The following LAMA2 variants were observed in gnomAD, a reference collection of about 807,000 sequenced individuals.
LAMA2 encodes laminin subunit alpha-2.
A neutral mutation model predicts 364.8 loss-of-function variants in LAMA2; 269 were observed. That is an observed-to-expected ratio of 0.74 (90% confidence interval 0.67 to 0.82). The LOEUF (loss-of-function observed/expected upper bound fraction) is 0.82. Ranked by LOEUF, LAMA2 falls within the 40% of genes least tolerant of loss-of-function variation. The pLI, the probability that LAMA2 is intolerant of heterozygous loss-of-function variation, is 0.00. For missense variants in LAMA2, 3,807 were observed against 3,873.2 expected (o/e 0.98, Z 0.45); for synonymous variants, 1,379 against 1,370.6 (o/e 1.01, Z -0.14).
chr6:129,335,608 G>T (rs569520570), intron 29 of LAMA2, among the ~76,000 whole-genome samples: 6 of 152,086 alleles, frequency 3.9e-5, no homozygotes, highest in Non-Finnish European at 8.8e-5. Flanking sequence ...ACTGATCATT[G>T]CTGTTGCCTG....
rs893963237 is a variant in LAMA2, at chr6:128,968,861, T to C, written c.113-81057T>C. Among the ~76,000 whole-genome samples, 8 of 152,172 alleles carry C rather than the reference T, an allele frequency of 5.3e-5. 1 individual carries two copies. The highest frequency in any genetic ancestry group is 1.2e-4 in the Non-Finnish European group (8 of 68,028). The stretch of plus-strand genomic sequence containing the variant: ...GATCACGTGGGACCTTGTGCTTCGT[T>C]TGAATTTTATTCTAAATGTTGGGAA... On this transcript the variant is annotated intron_variant, in intron 1 of 64. Coordinates refer to ENST00000421865, the MANE Select transcript of LAMA2 (RefSeq NM_000426.4).
rs1778362617 is a variant in LAMA2, at chr6:128,917,047, G to T, written c.112+33690G>T. Among the ~76,000 whole-genome samples the T allele has an allele frequency of 2.0e-5, 3 of 150,404 alleles. No individual in the cohort carries two copies. In the East Asian group the frequency reaches 5.8e-4, roughly 29 times the overall value. On this transcript the variant is annotated intron_variant, in intron 1 of 64. Coordinates refer to ENST00000421865, the MANE Select transcript of LAMA2 (RefSeq NM_000426.4). ...CCACCATATCTACCTTGATCCACCT[G>T]ATTCTTTTCATTTTTTTCTTTCATT... is the stretch of plus-strand genomic sequence containing the variant.
At chr6:129,071,762 G>GC (rs1406016961) in intron 3 of LAMA2, among the ~76,000 whole-genome samples, 2 of 151,928 alleles carry the variant, frequency 1.3e-5, no homozygotes, top group Non-Finnish European at 2.9e-5. Context: ...TTCCACTATG[G>GC]TCAGTGTATT....
intron 4 of LAMA2, among the ~76,000 whole-genome samples, chr6:129,110,644 T>C (rs181706305): frequency 1.4e-4 from 22 of 152,206 alleles, no homozygotes; most frequent in Admixed American, 7.9e-4. Context: ...AAAATTGTTA[T>C]TATTCTCATT....
intron 12 of LAMA2, among the ~76,000 whole-genome samples, chr6:129,210,024 A>AAAAAAAAAAAAT (rs200129656): frequency 1.1e-4 from 16 of 145,326 alleles, no homozygotes; most frequent in East Asian, 4.4e-4. Context: ...AAAAAAAAAA[A>AAAAAAAAAAAAT]ATTTTTACTA....
At chr6:128,955,460 A>G (rs1781081859) in intron 1 of LAMA2, among the ~76,000 whole-genome samples, 1 of 151,992 alleles carries the variant, frequency 6.6e-6, no homozygotes, top group Admixed American at 6.6e-5. Context: ...TTATACAGAG[A>G]TGAAAAGTTT....
chr6:129,277,115 G>C (rs1362275692), intron 17 of LAMA2, among the ~76,000 whole-genome samples: 1 of 152,044 alleles, frequency 6.6e-6, no homozygotes, highest in Admixed American at 6.6e-5. Context: ...GCTGCTCTTG[G>C]CTTTCTTGTG....
chr6:129,124,299 A>C (rs1384546813), intron 4 of LAMA2, among the ~76,000 whole-genome samples: 1 of 152,224 alleles, frequency 6.6e-6, no homozygotes, highest in Non-Finnish European at 1.5e-5. Flanking sequence ...TAAAGTGAAC[A>C]GCCTTGGAAG....
rs535987768 is a variant in LAMA2 at position 129,398,479 on chromosome 6, T to C, written c.5446-2745T>C. On this transcript the variant is annotated intron_variant, in intron 37 of 64. Transcript: ENST00000421865. ...TTTTCTTTCTTTTCTTTTCTTTTTTTTTTTTTTTTTTTTGAGACAGAGTTT... is the reference window on the plus strand; with the variant it reads ...TTTTCTTTCTTTTCTTTTCTTTTTTCTTTTTTTTTTTTTGAGACAGAGTTT... 2.3e-4 allele frequency among the ~76,000 whole-genome samples: 33 copies of C among 145,924 alleles called. No homozygotes were observed. In the South Asian group the frequency reaches 7.3e-3, roughly 32 times the overall value.
At chr6:129,411,924 A>T (rs1376375077) in intron 40 of LAMA2, among the ~76,000 whole-genome samples, 1 of 152,184 alleles carries the variant, frequency 6.6e-6, no homozygotes, top group Non-Finnish European at 1.5e-5. Flanking sequence ...GAACTAAAAC[A>T]CAAGAGACTA....
chr6:128,935,034 T>C (rs908825474), intron 1 of LAMA2, among the ~76,000 whole-genome samples: 1 of 152,186 alleles, frequency 6.6e-6, no homozygotes, highest in Non-Finnish European at 1.5e-5. Context: ...TATTCGTATA[T>C]ATTTCATTAT....
At chr6:129,078,140 T>C (rs1399189080) in intron 3 of LAMA2, among the ~76,000 whole-genome samples, 1 of 152,050 alleles carries the variant, frequency 6.6e-6, no homozygotes, top group African/African-American at 2.4e-5. Flanking sequence ...GTATTTTTTT[T>C]TTTTTCTTTT....
Position 129,177,759 on chromosome 6 carries a change from G to T in LAMA2, c.1360G>T (p.Asp454Tyr). ...AACTGGTTTTGGAGGTGTGAGCTGT[G>T]ATCGGTGTGCCAGGGGCTACACTGG... ...CKTGFGGVSC[D>Y]RCARGYTGYP... Residue 454 changes from aspartate (D) to tyrosine (Y), a missense_variant, in exon 10 of 65, where the codon GAT (aspartate) becomes TAT (tyrosine). Asp to Tyr is a radical substitution (Grantham distance 160). This residue lies in a region of LAMA2 where 3,333 missense variants were observed against 3,345.7 expected (regional missense o/e 1.00). Transcript: ENST00000421865. 1 of 1,614,014 alleles carries T rather than the reference G, an allele frequency of 6.2e-7. No homozygotes were observed. The highest frequency in any genetic ancestry group is 1.1e-5 in the South Asian group (1 of 91,088).
chr6:129,309,921 AC>A (rs1342801928), intron 22 of LAMA2, among the ~76,000 whole-genome samples: 2 of 107,228 alleles, frequency 1.9e-5, no homozygotes, highest in East Asian at 1.0e-3. Flanking sequence ...TTTTTTTGAG[AC>A]GGAGTCTCGC....
At chr6:128,909,225 T>A (rs562322882) in intron 1 of LAMA2, among the ~76,000 whole-genome samples, 3 of 152,270 alleles carry the variant, frequency 2.0e-5, no homozygotes, top group Non-Finnish European at 4.4e-5. Context: ...TGTCTAGTGT[T>A]GACAGTGGGG....
intron 16 of LAMA2, 43 bp from the exon 17 acceptor site, chr6:129,270,581 C>A: frequency 6.2e-7 from 1 of 1,610,234 alleles, no homozygotes; most frequent in Non-Finnish European, 8.5e-7. Context: ...ATGTTGATCC[C>A]TGACACCAAA....
Position 129,514,422 on chromosome 6 carries a change from A to T in LAMA2, c.9038A>T (p.Asp3013Val), listed in dbSNP as rs765377729. Residue 3013 changes from aspartate to valine, a missense_variant, in exon 64 of 65, where the codon GAT becomes GTT. Physicochemically the swap from Asp to Val is radical, Grantham distance 152 (BLOSUM62 -3). Transcript: ENST00000421865. Reference sequence around the variant, plus strand: ...GCGGGCAGATTCACTGCTGTCTATGATGCTGGGGTTCCAGGGCATTTGTGT... The same window carrying T: ...GCGGGCAGATTCACTGCTGTCTATGTTGCTGGGGTTCCAGGGCATTTGTGT... ...NGAGRFTAVY[D>V]AGVPGHLCDG... is the part of the protein sequence containing the mutation. 1 of 1,613,916 alleles carries T rather than the reference A, an allele frequency of 6.2e-7. No individual in the cohort carries two copies. Among genetic ancestry groups the T allele is most frequent in the Non-Finnish European group, 8.5e-7 (1 of 1,179,994 alleles).
At position 129,098,300 on chromosome 6, in the gene LAMA2, A is replaced by G. The variant is rs1775308372; in HGVS notation, c.524A>G (p.Glu175Gly). 1.2e-6 allele frequency: 2 copies of G among 1,614,000 alleles called. No homozygotes were observed. Among genetic ancestry groups the G allele is most frequent in the Non-Finnish European group, 1.7e-6 (2 of 1,180,010 alleles). ...CAGTATCATGCTGTGACAGACACGG[A>G]GTGCCTAACGCTTTACAATATTTAT... Reference protein sequence around the residue: ...PWQYHAVTDTECLTLYNIYPR... With the variant: ...PWQYHAVTDTGCLTLYNIYPR... Residue 175 changes from glutamate to glycine, a missense_variant, in exon 4 of 65, where the codon GAG becomes GGG. By Grantham distance (98) the Glu-to-Gly change is moderately conservative. Coordinates refer to ENST00000421865, the MANE Select transcript of LAMA2 (RefSeq NM_000426.4).
At chr6:129,153,802 T>A (rs1408384050) in intron 7 of LAMA2, among the ~76,000 whole-genome samples, 4 of 152,134 alleles carry the variant, frequency 2.6e-5, no homozygotes, top group Non-Finnish European at 5.9e-5. Flanking sequence ...TTATACATAC[T>A]TTTCTTTACC....
Sources: gnomAD v4.1 joint callset for allele counts (sites outside exome capture counted in the v4.1 genomes callset) on GRCh38, gnomAD v4.1.1 for gene constraint, gnomAD v4.1.1 regional missense constraint, MANE v1.5 for transcripts, NCBI Gene and HGNC (gene_info 2026-07-23, HGNC 2026-07-21) for gene names.